Variants in PDHB observed in about 807,000 individuals in gnomAD.
PDHB encodes pyruvate dehydrogenase E1 component subunit beta, mitochondrial.
In PDHB, 17 loss-of-function variants were observed where a neutral mutation model predicts 42.8. That is an observed-to-expected ratio of 0.40 (90% CI 0.27 to 0.60). PDHB has a LOEUF of 0.60. Among genes scored for constraint, PDHB ranks in the 20% least tolerant of loss-of-function variants. The pLI, the probability that PDHB is intolerant of heterozygous loss-of-function variation, is 0.46. For missense variants in PDHB, 322 were observed against 451.3 expected, an observed-to-expected ratio of 0.71 and a Z score of 2.60; for synonymous variants, 154 against 148.7, an observed-to-expected ratio of 1.04 and a Z score of -0.26.
chr3:58,431,021 C>A lies in PDHB; in HGVS notation c.304-79G>T. On this transcript the variant is annotated intron_variant, in intron 5 of 9. Coordinates refer to ENST00000302746, the MANE Select transcript of PDHB (RefSeq NM_000925.4). The surrounding 1 kb of genome is among the most constrained non-coding windows in gnomAD (Gnocchi z 4.4). ...AGCAAACAAATCACTCCAAGTCTTC[C>A]AACATTCAAATAATGTTTTTATTTT... is the stretch of plus-strand genomic sequence containing the variant. 7.7e-7 allele frequency: 1 copy of A among 1,303,416 alleles called. No homozygotes were observed. The highest frequency in any genetic ancestry group is 1.1e-6 in the Non-Finnish European group (1 of 899,324). The allele number at this position is 1,303,416 out of a possible 1,614,324, so 80.7% of individuals were successfully genotyped here.
chr3:58,433,665 C>G lies in PDHB; in HGVS notation c.62G>C (p.Arg21Thr), dbSNP rs565786614. Residue 21 changes from arginine (R) to threonine (T), a missense_variant, in exon 2 of 10, where the codon AGG becomes ACG. By Grantham distance (71) the Arg-to-Thr change is moderately conservative. Around this residue, in one of 3 missense-constraint regions of PDHB, gnomAD observed 58 missense variants for 42.1 expected, o/e 1.38. Transcript: ENST00000302746. Reference protein sequence around the residue: ...PLREVSGLLKRRFHWTAPAAL... With the variant: ...PLREVSGLLKTRFHWTAPAAL... ...AGCCGGCGCGGTCCAGTGAAAGCGC[C>G]TCTTCAGCAGCCCGGAGACCTGGCA... 18 of 1,612,816 alleles carry G rather than the reference C, an allele frequency of 1.1e-5. No individual in the cohort carries two copies. The African/African-American group carries it at 2.4e-4, about 21-fold the overall frequency.
At chr3:58,428,283 T>TA in intron 9 of PDHB, 104 bp from the exon 10 acceptor site, 5 of 1,245,958 alleles carry the variant, frequency 4.0e-6, no homozygotes, top group Non-Finnish European at 5.9e-6. Context: ...TAAGGAATGC[T>TA]AATTATGGGG....
chr3:58,428,465 T>A lies in PDHB; in HGVS notation c.934+8A>T, dbSNP rs2062892301. On this transcript the variant is annotated splice_region_variant and intron_variant, in intron 9 of 9. Coordinates refer to ENST00000302746, the MANE Select transcript of PDHB (RefSeq NM_000925.4). ...GACTGTATTCTAGAACCAGTTTCTT[T>A]GAAATACCTTCCATGATCCTGGCAC... 1 of 1,613,908 alleles carries A rather than the reference T, an allele frequency of 6.2e-7. No homozygotes were observed. The highest frequency in any genetic ancestry group is 1.7e-5 in the Admixed American group (1 of 60,008).
In PDHB at chr3:58,427,706, T is replaced by C. The variant is rs2062880125; in HGVS notation, c.*328A>G. ...ATATTATATGCTTTAATTTTATACA[T>C]ATAAGTTATCTTGTTTGGATACATC... On this transcript the variant is annotated 3_prime_UTR_variant, in exon 10 of 10. Transcript: ENST00000302746. The C allele has an allele frequency of 4.5e-6, 2 of 448,326 alleles. No homozygotes were observed. Among genetic ancestry groups the C allele is most frequent in the South Asian group, 1.6e-5 (1 of 61,260 alleles). The allele number at this position is 448,326 out of a possible 1,614,324, so 27.8% of individuals were successfully genotyped here. A position where few individuals can be genotyped will look rare whatever the true frequency, so the allele number is the denominator to read the frequency against.
intron 8 of PDHB, among the ~76,000 whole-genome samples, chr3:58,429,376 G>C (rs80150118): frequency 0.03 from 4,534 of 151,926 alleles, 100 homozygotes; most frequent in Non-Finnish European, 0.047. Flanking sequence ...AGGAGTTCAC[G>C]GTTACAGTGA....
intron 8 of PDHB, chr3:58,428,856 CTTT>C (rs1004927563): frequency 1.1e-5 from 6 of 523,164 alleles, no homozygotes; most frequent in Admixed American, 3.3e-5. Flanking sequence ...TCTTCCTTCA[CTTT>C]TTTATTTCTT....
At chr3:58,433,740 G>A (rs1434124023) in intron 1 of PDHB, 28 bp downstream of exon 1, 1 of 1,612,444 alleles carries the variant, frequency 6.2e-7, no homozygotes, top group Admixed American at 1.7e-5. Context: ...GGGTCGCGTG[G>A]GAATACAGGC....
rs200752186 is a variant in PDHB at position 58,428,191 on chromosome 3, A to C, written c.935-12T>G. On this transcript the variant is annotated splice_polypyrimidine_tract_variant and intron_variant, in intron 9 of 9. Transcript: ENST00000302746. The stretch of plus-strand genomic sequence containing the variant: ...ATTGAACGCAGGACCTAGGAGAAGG[A>C]AGGCTCAACTGAGAGAGTGCAAATG... 343 of 1,613,598 alleles carry C rather than the reference A, an allele frequency of 2.1e-4. No homozygotes were observed. Among genetic ancestry groups the C allele is most frequent in the East Asian group, 4.7e-4 (21 of 44,896 alleles).
At chr3:58,428,419 A>C (rs1193799079) in intron 9 of PDHB, 54 bp downstream of exon 9, 2 of 1,566,536 alleles carry the variant, frequency 1.3e-6, no homozygotes, top group South Asian at 1.1e-5. Flanking sequence ...GTATTCAGGT[A>C]CATGATGTTT....
chr3:58,433,662 C>T lies in PDHB; in HGVS notation c.65G>A (p.Arg22His), dbSNP rs2062943972. The change falls in exon 2 of 10, where the codon CGC (arginine) becomes CAC (histidine). Residue 22 changes from arginine to histidine, a missense_variant. By Grantham distance (29) the Arg-to-His change is conservative. Transcript: ENST00000302746. The stretch of plus-strand genomic sequence containing the variant: ...CGCAGCCGGCGCGGTCCAGTGAAAG[C>T]GCCTCTTCAGCAGCCCGGAGACCTG... ...LREVSGLLKR[R>H]FHWTAPAALQ... 4.3e-6 allele frequency: 7 copies of T among 1,612,514 alleles called. No homozygotes were observed. The highest frequency in any genetic ancestry group is 5.9e-6 in the Non-Finnish European group (7 of 1,179,662).
chr3:58,433,206 T>G, intron 2 of PDHB: 1 of 249,374 alleles, frequency 4.0e-6, no homozygotes, highest in Non-Finnish European at 7.8e-6. Flanking sequence ...GGAAGGGAAA[T>G]GAGGAGTTAC....
chr3:58,433,348 A>G, intron 2 of PDHB: 1 of 586,658 alleles, frequency 1.7e-6, no homozygotes, highest in South Asian at 2.0e-5. Context: ...ATTTTAAGTT[A>G]GGTCTATTTT....
intron 8 of PDHB, among the ~76,000 whole-genome samples, chr3:58,429,171 C>T (rs915697459): frequency 2.0e-5 from 3 of 152,192 alleles, no homozygotes; most frequent in Admixed American, 2.0e-4. Context: ...GCTGAGTGCC[C>T]ATCATGTACC....
chr3:58,429,825 G>A, intron 7 of PDHB, 26 bp from the exon 8 acceptor site: 4 of 1,390,088 alleles, frequency 2.9e-6, no homozygotes, highest in Non-Finnish European at 4.1e-6. Flanking sequence ...TCACAGATCA[G>A]AGATCAGGTT....
At chr3:58,428,688 CCTTTTT>C in intron 8 of PDHB, 74 bp from the exon 9 acceptor site, 1 of 1,331,142 alleles carries the variant, frequency 7.5e-7, no homozygotes, top group Non-Finnish European at 1.1e-6. Context: ...AATACCATTT[CCTTTTT>C]TGTTTCCTGT....
intron 2 of PDHB, 108 bp from the exon 3 acceptor site, chr3:58,432,092 C>T (rs527914728): frequency 1.3e-6 from 1 of 747,104 alleles, no homozygotes; most frequent in East Asian, 2.6e-5. Flanking sequence ...TATAAAAACA[C>T]TAGAACAAGC....
Position 58,431,956 on chromosome 3 carries a change from C to A in PDHB, c.125G>T (p.Gly42Val). ...ATCTCTTTCCAGCTCCTCATCCATA[C>A]CCTGATTTATAGCATCACGAACTGT... Reference protein sequence around the residue: ...QVTVRDAINQGMDEELERDEK... With the variant: ...QVTVRDAINQVMDEELERDEK... Residue 42 changes from glycine (G) to valine (V), a missense_variant, in exon 3 of 10, where the codon GGT becomes GTT. This residue lies in a region of PDHB where 56 missense variants were observed against 124.2 expected (regional missense o/e 0.45). Coordinates refer to ENST00000302746, the MANE Select transcript of PDHB (RefSeq NM_000925.4). The surrounding 1 kb of genome is among the most constrained non-coding windows in gnomAD (Gnocchi z 4.4). 6.2e-7 allele frequency: 1 copy of A among 1,613,816 alleles called. No individual in the cohort carries two copies. The highest frequency in any genetic ancestry group is 8.5e-7 in the Non-Finnish European group (1 of 1,179,700).
At chr3:58,430,407 G>T (rs1162716393) in intron 6 of PDHB, among the ~76,000 whole-genome samples, 169 bp from the exon 7 acceptor site, 1 of 152,114 alleles carries the variant, frequency 6.6e-6, no homozygotes, top group Non-Finnish European at 1.5e-5. Flanking sequence ...AATTTGTAGT[G>T]GTCAATATAA....
At position 58,430,261 on chromosome 3, in the gene PDHB, C is replaced by G. The variant is rs754609532; in HGVS notation, c.590-23G>C. On this transcript the variant is annotated intron_variant, in intron 6 of 9. Transcript: ENST00000302746. The stretch of plus-strand genomic sequence containing the variant: ...CCACTGAAAAACATAAATATTTAAA[C>G]AAAAGTAATTAATCACATCCAGAAT... 3.5e-6 allele frequency: 5 copies of G among 1,429,700 alleles called. No individual in the cohort carries two copies. The Admixed American group carries it at 8.4e-5, about 24-fold the overall frequency. 88.6% of individuals were successfully genotyped at this position (1,429,700 alleles called of 1,614,324 possible). A position where few individuals can be genotyped will look rare whatever the true frequency, so the allele number is the denominator to read the frequency against.
Sources: allele counts gnomAD v4.1 joint callset (sites outside exome capture counted in the v4.1 genomes callset), GRCh38; gene constraint gnomAD v4.1.1; regional missense constraint gnomAD v4.1.1; non-coding constraint Gnocchi (gnomAD v3.1); transcripts MANE v1.5; gene names NCBI Gene and HGNC (gene_info 2026-07-23, HGNC 2026-07-21).